Variants in MAP4K3 observed in about 807,000 individuals in gnomAD.
The protein encoded by MAP4K3 is mitogen-activated protein kinase kinase kinase kinase 3.
Under a neutral mutation model 143.5 loss-of-function variants are expected in MAP4K3, and 94 were observed. The ratio of observed to expected loss-of-function variants is 0.65; its 90% CI spans 0.55 to 0.78. The LOEUF (loss-of-function observed/expected upper bound fraction) is 0.78, where lower values mean the gene tolerates loss of function less well. MAP4K3 is among the 30% of genes least tolerant of loss of function. The pLI, the probability that MAP4K3 is intolerant of heterozygous loss-of-function variation, is 0.00. For synonymous variants in MAP4K3, 416 were observed against 347.2 expected (o/e 1.20, Z -2.20); for missense variants, 1,077 against 1,068.1 (o/e 1.01, Z -0.12).
At chr2:39,305,587 T>C (rs1400810513) in intron 15 of MAP4K3, among the ~76,000 whole-genome samples, 2 of 152,182 alleles carry the variant, frequency 1.3e-5, no homozygotes, top group Admixed American at 6.5e-5. Flanking sequence ...ATTTTATAAG[T>C]TGTATACTCT....
At position 39,356,243 on chromosome 2, in the gene MAP4K3, G is replaced by C. The variant is rs777632893; in HGVS notation, c.245+6C>G. On this transcript the variant is annotated splice_donor_region_variant and intron_variant, in intron 3 of 33. Coordinates refer to ENST00000263881, the MANE Select transcript of MAP4K3 (RefSeq NM_003618.4). Reference sequence around the variant, plus strand: ...TTGCTTTTCAAAAGGGAAACAAACAGTATACCTGAGATAGCTTCCAAAATA... The same window carrying C: ...TTGCTTTTCAAAAGGGAAACAAACACTATACCTGAGATAGCTTCCAAAATA... The C allele has an allele frequency of 6.5e-7, 1 of 1,542,196 alleles. No homozygotes were observed. The highest frequency in any genetic ancestry group is 8.9e-7 in the Non-Finnish European group (1 of 1,126,690).
At chr2:39,396,928 C>G (rs988652997) in intron 1 of MAP4K3, among the ~76,000 whole-genome samples, 2 of 152,188 alleles carry the variant, frequency 1.3e-5, no homozygotes, top group Non-Finnish European at 2.9e-5. Flanking sequence ...ATTACTTGAT[C>G]TAAAAGACCA....
chr2:39,383,864 C>A (rs56928728), intron 1 of MAP4K3, among the ~76,000 whole-genome samples: 3 of 151,844 alleles, frequency 2.0e-5, no homozygotes, highest in African/African-American at 7.3e-5. Context: ...CAGCACTTTG[C>A]GAGGCAAAAG....
At chr2:39,251,480 C>A (rs1680153944) in intron 33 of MAP4K3, among the ~76,000 whole-genome samples, 1 of 152,194 alleles carries the variant, frequency 6.6e-6, no homozygotes, top group South Asian at 2.1e-4. Context: ...TCTCCCACCA[C>A]CCTGACCAAT....
chr2:39,348,240 C>G (rs909790962), intron 3 of MAP4K3, among the ~76,000 whole-genome samples: 5 of 151,916 alleles, frequency 3.3e-5, no homozygotes, highest in African/African-American at 1.2e-4. Flanking sequence ...TTCAATATGA[C>G]ACTACCTTCT....
chr2:39,334,798 G>A (rs1683807687), intron 6 of MAP4K3, among the ~76,000 whole-genome samples: 1 of 152,104 alleles, frequency 6.6e-6, no homozygotes, highest in Non-Finnish European at 1.5e-5. Context: ...TTCCCATGGA[G>A]TTTACATCCA....
intron 1 of MAP4K3, among the ~76,000 whole-genome samples, chr2:39,389,260 T>C (rs1051090800): frequency 6.6e-6 from 1 of 151,812 alleles, no homozygotes; most frequent in African/African-American, 2.4e-5. Flanking sequence ...TTAGACAAAA[T>C]GGCAGATCTG....
intron 12 of MAP4K3, among the ~76,000 whole-genome samples, chr2:39,318,692 C>T (rs913476694): frequency 2.0e-5 from 3 of 151,910 alleles, no homozygotes; most frequent in Admixed American, 6.6e-5. Context: ...TTACATGCAA[C>T]GTGATTACAA....
At chr2:39,337,050 T>C (rs1175493589) in intron 5 of MAP4K3, 83 bp from the exon 6 acceptor site, 2 of 649,490 alleles carry the variant, frequency 3.1e-6, no homozygotes, top group African/African-American at 1.9e-5. Flanking sequence ...ATGGGTAGTA[T>C]TCTGTGTATT....
intron 1 of MAP4K3, among the ~76,000 whole-genome samples, chr2:39,383,916 G>A (rs1666418339): frequency 6.6e-6 from 1 of 151,450 alleles, no homozygotes; most frequent in South Asian, 2.1e-4. Flanking sequence ...ACCAGCCTGG[G>A]AAACATGGTG....
intron 6 of MAP4K3, among the ~76,000 whole-genome samples, chr2:39,335,806 T>G (rs1664930660): frequency 1.3e-5 from 2 of 152,342 alleles, no homozygotes; most frequent in Admixed American, 1.3e-4. Context: ...GCAGGTTATC[T>G]GCGAGTCCAT....
rs146843868 is a variant in MAP4K3 at position 39,401,336 on chromosome 2, C to G, written c.97-23213G>C. Among the ~76,000 whole-genome samples, 513 of 152,168 alleles carry G rather than the reference C, an allele frequency of 3.4e-3. 2 individuals carry two copies. Among genetic ancestry groups the G allele is most frequent in the Non-Finnish European group, 5.5e-3 (375 of 68,014 alleles). On this transcript the variant is annotated intron_variant, in intron 1 of 33. Coordinates refer to ENST00000263881, the MANE Select transcript of MAP4K3 (RefSeq NM_003618.4). The stretch of plus-strand genomic sequence containing the variant: ...CAGAAAGGAAGAGAGAGAACAATTA[C>G]CAAAGATTTCTAAGGGTTGGGAATA...
intron 24 of MAP4K3, among the ~76,000 whole-genome samples, chr2:39,275,311 C>T (rs1015124496): frequency 2.6e-5 from 4 of 152,204 alleles, no homozygotes; most frequent in Middle Eastern, 3.4e-3. Context: ...AAAGTGAAAT[C>T]CCAGTCTCTA....
rs147349371 is a variant in MAP4K3, at chr2:39,342,414, G to A, written c.310+974C>T. Among the ~76,000 whole-genome samples, 116 of 152,218 alleles carry A rather than the reference G, an allele frequency of 7.6e-4. No individual in the cohort carries two copies. The East Asian group carries it at 0.014, about 19-fold the overall frequency. On this transcript the variant is annotated intron_variant, in intron 4 of 33. Transcript: ENST00000263881. ...CAAAGTGCTGGGATTACAGGCATGA[G>A]CCACTGCACCCGGCCCTTCATCATC...
chr2:39,389,145 G>A (rs932697008), intron 1 of MAP4K3, among the ~76,000 whole-genome samples: 2 of 152,072 alleles, frequency 1.3e-5, no homozygotes, highest in Non-Finnish European at 2.9e-5. Context: ...TCAGAAGCAA[G>A]AGGCTAACAA....
At chr2:39,287,818 T>A (rs1681864263) in intron 20 of MAP4K3, among the ~76,000 whole-genome samples, 1 of 152,212 alleles carries the variant, frequency 6.6e-6, no homozygotes, top group African/African-American at 2.4e-5. Context: ...TCCATGTTTG[T>A]TCATAGTTTA....
chr2:39,278,383 A>G (rs757040983), intron 24 of MAP4K3, 24 bp downstream of exon 24: 2 of 1,433,860 alleles, frequency 1.4e-6, no homozygotes, highest in Admixed American at 2.1e-5. Context: ...ATTAAAAAAA[A>G]AAAGAATATA....
chr2:39,413,141 A>G (rs960428867), intron 1 of MAP4K3, among the ~76,000 whole-genome samples: 1 of 152,232 alleles, frequency 6.6e-6, no homozygotes, highest in African/African-American at 2.4e-5. Context: ...AGTATAAAGA[A>G]ATTCATCAAA....
At chr2:39,310,368 G>C (rs1682899724) in intron 13 of MAP4K3, among the ~76,000 whole-genome samples, 1 of 152,114 alleles carries the variant, frequency 6.6e-6, no homozygotes, top group Non-Finnish European at 1.5e-5. Context: ...TCCATGCCTA[G>C]TCACTTAACA....
Sources: allele counts gnomAD v4.1 joint callset (sites outside exome capture counted in the v4.1 genomes callset), GRCh38; gene constraint gnomAD v4.1.1; transcripts MANE v1.5; gene names NCBI Gene and HGNC (gene_info 2026-07-23, HGNC 2026-07-21).